Variants in CPB2 observed in about 807,000 individuals in gnomAD.
The protein encoded by CPB2 is carboxypeptidase B-like protein.
A neutral mutation model predicts 57.0 loss-of-function variants in CPB2; 54 were observed. The observed-to-expected ratio is 0.95, with a 90% CI of 0.76 to 1.19. The LOEUF (loss-of-function observed/expected upper bound fraction) is 1.19, where lower values mean the gene tolerates loss of function less well. Ranked by LOEUF, CPB2 falls within the 50% of genes most tolerant of loss-of-function variation. The pLI is 0.00. For synonymous variants in CPB2, 189 were observed against 178.1 expected (o/e 1.06, Z -0.49); for missense variants, 426 against 512.0 (o/e 0.83, Z 1.62).
At chr13:46,100,671 C>T (rs1369390544) in intron 1 of CPB2, 2 of 152,128 alleles carry the variant, frequency 1.3e-5, no homozygotes, top group African/African-American at 4.8e-5. Flanking sequence ...TAAAGCTAAA[C>T]CTGCATGTGG....
At chr13:46,101,743 G>A (rs566445693) in intron 1 of CPB2, among the ~76,000 whole-genome samples, 15 of 152,264 alleles carry the variant, frequency 9.9e-5, no homozygotes, top group African/African-American at 3.1e-4. Context: ...GAAAGGGGAC[G>A]AGCAAATTGC....
At chr13:46,084,890 T>A (rs897222834) in intron 2 of CPB2, among the ~76,000 whole-genome samples, 2 of 151,746 alleles carry the variant, frequency 1.3e-5, no homozygotes, top group South Asian at 4.2e-4. Context: ...TCTGGCTGTC[T>A]CCCAGGCTGG....
chr13:46,096,002 T>C (rs1395868470), intron 1 of CPB2, among the ~76,000 whole-genome samples: 3 of 149,476 alleles, frequency 2.0e-5, no homozygotes, highest in African/African-American at 7.4e-5. Context: ...TGCCTCAGCC[T>C]CTCGAGTAAC....
At chr13:46,079,616 T>G (rs1332341703) in intron 4 of CPB2, among the ~76,000 whole-genome samples, 1 of 149,100 alleles carries the variant, frequency 6.7e-6, no homozygotes, top group Non-Finnish European at 1.5e-5. Context: ...AAAGCAAACA[T>G]TGAATTATTG....
chr13:46,079,542 AAAAAAAAAAAAAAG>A (rs977217304), intron 4 of CPB2, among the ~76,000 whole-genome samples: 14 of 145,326 alleles, frequency 9.6e-5, no homozygotes, highest in African/African-American at 3.4e-4. Context: ...AAGCAAAAAA[AAAAAAAAAAAAAAG>A]AAAAGAAAAG....
intron 1 of CPB2, among the ~76,000 whole-genome samples, chr13:46,091,927 G>A (rs962286064): frequency 5.3e-5 from 8 of 152,186 alleles, no homozygotes; most frequent in Non-Finnish European, 1.2e-4. Context: ...CTCTGTTAAC[G>A]GCAATGGCAT....
At chr13:46,104,821 C>T in intron 1 of CPB2, 115 bp downstream of exon 1, 7 of 1,202,182 alleles carry the variant, frequency 5.8e-6, no homozygotes, top group Non-Finnish European at 8.3e-6. Flanking sequence ...TTCTGAAAGA[C>T]CTGGCCTTCA....
intron 8 of CPB2, among the ~76,000 whole-genome samples, chr13:46,060,618 G>A (rs1309159544): frequency 1.3e-5 from 2 of 151,880 alleles, no homozygotes; most frequent in South Asian, 2.1e-4. Context: ...TCAAATTCTG[G>A]TGTGTATTTA....
At position 46,058,345 on chromosome 13, in the gene CPB2, T is replaced by C; in HGVS notation, c.833A>G (p.Tyr278Cys). ...TTCTGACTCAGGATAAAGTCCACAG[T>C]AGGTTTCCGAGCATGAGGAACTGGA... Reference protein sequence around the residue: ...GASSSSCSETYCGLYPESEPE... With the variant: ...GASSSSCSETCCGLYPESEPE... The change falls in exon 9 of 11, where the codon TAC becomes TGC. Residue 278 changes from tyrosine (Y) to cysteine (C), a missense_variant. Tyr to Cys is a radical substitution (Grantham distance 194). Coordinates refer to ENST00000181383, the MANE Select transcript of CPB2 (RefSeq NM_001872.5). The C allele has an allele frequency of 6.2e-7, 1 of 1,614,076 alleles. No homozygotes were observed.
chr13:46,093,188 C>A (rs1010434207), intron 1 of CPB2, among the ~76,000 whole-genome samples: 1 of 152,192 alleles, frequency 6.6e-6, no homozygotes, highest in South Asian at 2.1e-4. Context: ...GCTGGGATTA[C>A]AGGCGTGAGC....
In CPB2 at chr13:46,058,287, T is replaced by C; in HGVS notation, c.891A>G (p.Arg297=). The change falls in exon 9 of 11, where the codon AGA becomes AGG. Residue 297 remains arginine, a synonymous_variant. Transcript: ENST00000181383. ...PEVKAVASFL[R]RNINQIKAYI... is the part of the protein sequence containing the mutation. ...ATGCTTTAATCTGGTTGATATTTCTTCTCAAGAAACTAGCCACTGCCTTCA... is the reference window on the plus strand; with the variant it reads ...ATGCTTTAATCTGGTTGATATTTCTCCTCAAGAAACTAGCCACTGCCTTCA... 1 of 1,614,134 alleles carries C rather than the reference T, an allele frequency of 6.2e-7. No individual in the cohort carries two copies. The highest frequency in any genetic ancestry group is 8.5e-7 in the Non-Finnish European group (1 of 1,179,982).
At chr13:46,080,140 G>C (rs891494900) in intron 4 of CPB2, among the ~76,000 whole-genome samples, 2 of 152,138 alleles carry the variant, frequency 1.3e-5, no homozygotes, top group Non-Finnish European at 2.9e-5. Flanking sequence ...ACTAAGCTGG[G>C]GTAATAATGT....
Position 46,084,285 on chromosome 13 carries a change from A to T in CPB2, c.209T>A (p.Phe70Tyr), listed in dbSNP as rs370566569. 1.2e-6 allele frequency: 2 copies of T among 1,614,102 alleles called. No homozygotes were observed. The highest frequency in any genetic ancestry group is 1.3e-5 in the African/African-American group (1 of 74,944). Residue 70 changes from phenylalanine to tyrosine, a missense_variant, in exon 3 of 11, where the codon TTT becomes TAT. Coordinates refer to ENST00000181383, the MANE Select transcript of CPB2 (RefSeq NM_001872.5). ...GTCGACATCAGATGCATTTACAAAA[A>T]AATGGACTTGTTTTTTCTTCACAAT... ...DLIVKKKQVH[F>Y]FVNASDVDNV...
At chr13:46,074,750 A>G (rs2044995816) in intron 5 of CPB2, among the ~76,000 whole-genome samples, 1 of 152,126 alleles carries the variant, frequency 6.6e-6, no homozygotes. Flanking sequence ...CAATTTTTCC[A>G]TGGATGGGGC....
chr13:46,061,175 G>A (rs1282063455), intron 8 of CPB2, among the ~76,000 whole-genome samples: 2 of 151,464 alleles, frequency 1.3e-5, no homozygotes, highest in Non-Finnish European at 2.9e-5. Flanking sequence ...TTGTTAAAAT[G>A]GCAAATTTTA....
At chr13:46,071,655 T>C (rs572592402) in intron 6 of CPB2, among the ~76,000 whole-genome samples, 38 of 152,030 alleles carry the variant, frequency 2.5e-4, no homozygotes, top group African/African-American at 9.2e-4. Context: ...AAAATAAGAG[T>C]GCAACCAGTT....
intron 5 of CPB2, 65 bp downstream of exon 5, chr13:46,078,735 A>G: frequency 9.2e-7 from 1 of 1,084,976 alleles, no homozygotes; most frequent in South Asian, 1.3e-5. Flanking sequence ...AGTTTTAACA[A>G]ACACGACTGG....
Position 46,082,547 on chromosome 13 carries a change from A to T in CPB2, c.278T>A (p.Val93Asp). Residue 93 changes from valine to aspartate, a missense_variant and splice_region_variant, in exon 4 of 11, where the codon GTC (valine) becomes GAC (aspartate). Val to Asp is a radical substitution (Grantham distance 152). Transcript: ENST00000181383. ...AAGATCTTCCACATCTGCCAGCAAGACACTAGGTGATGAAACAGAGAGTGA... is the reference window on the plus strand; with the variant it reads ...AAGATCTTCCACATCTGCCAGCAAGTCACTAGGTGATGAAACAGAGAGTGA... ...HLNVSGIPCS[V>D]LLADVEDLIQ... 1 of 1,604,742 alleles carries T rather than the reference A, an allele frequency of 6.2e-7. No homozygotes were observed. The highest frequency in any genetic ancestry group is 8.5e-7 in the Non-Finnish European group (1 of 1,171,708).
At chr13:46,086,341 T>G (rs1308063890) in intron 2 of CPB2, among the ~76,000 whole-genome samples, 1 of 151,998 alleles carries the variant, frequency 6.6e-6, no homozygotes, top group Non-Finnish European at 1.5e-5. Flanking sequence ...AAGCGGAGGG[T>G]GAGCAAGGTG....
Sources: allele counts gnomAD v4.1 joint callset (sites outside exome capture counted in the v4.1 genomes callset), GRCh38; gene constraint gnomAD v4.1.1; transcripts MANE v1.5; gene names NCBI Gene and HGNC (gene_info 2026-07-23, HGNC 2026-07-21).